The following DNMBP variants were observed in gnomAD, a reference collection of about 807,000 sequenced individuals.
DNMBP encodes the protein dynamin-binding protein.
Under a neutral mutation model 150.0 loss-of-function variants are expected in DNMBP, and 87 were observed. That is an observed-to-expected ratio of 0.58 (90% CI 0.49 to 0.69). The LOEUF (loss-of-function observed/expected upper bound fraction) is 0.69. Ranked by LOEUF, DNMBP falls within the 30% of genes least tolerant of loss-of-function variation. DNMBP has a pLI of 0.00. For missense variants in DNMBP, 1,774 were observed against 1,949.0 expected, an observed-to-expected ratio of 0.91 and a Z score of 1.69; for synonymous variants, 711 against 750.4, an observed-to-expected ratio of 0.95 and a Z score of 0.86.
chr10:99,926,687 CAGTA>C (rs2040082112), intron 4 of DNMBP, among the ~76,000 whole-genome samples: 1 of 152,140 alleles, frequency 6.6e-6, no homozygotes, highest in Non-Finnish European at 1.5e-5. Context: ...TCCTGGAAAA[CAGTA>C]AGCCACAGAG....
chr10:100,007,587 G>C (rs2041088726), intron 1 of DNMBP, among the ~76,000 whole-genome samples: 1 of 152,084 alleles, frequency 6.6e-6, no homozygotes, highest in Non-Finnish European at 1.5e-5. Flanking sequence ...TTCAATTCTT[G>C]GTGGTCACGT....
At chr10:99,899,083 C>CT (rs2039701304) in intron 7 of DNMBP, among the ~76,000 whole-genome samples, 1 of 152,038 alleles carries the variant, frequency 6.6e-6, no homozygotes, top group Non-Finnish European at 1.5e-5. Flanking sequence ...ATCCCAGCTA[C>CT]TGGGGGGCTG....
Position 99,956,334 on chromosome 10 carries a change from G to A in DNMBP, c.1140C>T (p.Thr380=), listed in dbSNP as rs373627069. 2.4e-5 allele frequency: 39 copies of A among 1,613,820 alleles called. No individual in the cohort carries two copies. Among genetic ancestry groups the A allele is most frequent in the Middle Eastern group, 1.6e-4 (1 of 6,080 alleles). ...TDRNSYQDED[T]AGGPPRSPGV... ...CTGGGCTTCTCGGGGGCCCTCCTGCGGTGTCCTCGTCCTGATAAGAGTTTC... is the reference window on the plus strand; with the variant it reads ...CTGGGCTTCTCGGGGGCCCTCCTGCAGTGTCCTCGTCCTGATAAGAGTTTC... The change falls in exon 4 of 17, where the codon ACC becomes ACT. Residue 380 remains threonine, a synonymous_variant. Coordinates refer to ENST00000324109, the MANE Select transcript of DNMBP (RefSeq NM_015221.4).
intron 15 of DNMBP, among the ~76,000 whole-genome samples, chr10:99,882,576 C>CCTAT (rs2039385549): frequency 6.6e-6 from 1 of 152,006 alleles, no homozygotes; most frequent in East Asian, 1.9e-4. Flanking sequence ...AAAGCTAGAC[C>CCTAT]CTATCTCAAA....
intron 4 of DNMBP, among the ~76,000 whole-genome samples, chr10:99,938,059 G>A (rs901446846): frequency 1.3e-5 from 2 of 152,156 alleles, no homozygotes; most frequent in African/African-American, 4.8e-5. Context: ...GCCACTTTAA[G>A]TCTACAATTC....
chr10:99,902,512 G>C (rs1186425436), intron 6 of DNMBP, among the ~76,000 whole-genome samples: 1 of 147,592 alleles, frequency 6.8e-6, no homozygotes, highest in African/African-American at 2.5e-5. Flanking sequence ...GTTACACCAT[G>C]TTGGCCAGGA....
intron 6 of DNMBP, among the ~76,000 whole-genome samples, chr10:99,906,359 ATGT>A (rs1162942822): frequency 6.6e-6 from 1 of 152,042 alleles, no homozygotes; most frequent in East Asian, 1.9e-4. Flanking sequence ...CTTCTGCTGG[ATGT>A]TGTTGTATAT....
At chr10:99,996,967 T>C (rs890031323) in intron 1 of DNMBP, among the ~76,000 whole-genome samples, 1 of 152,174 alleles carries the variant, frequency 6.6e-6, no homozygotes, top group Non-Finnish European at 1.5e-5. Context: ...TAGACACTGG[T>C]AGCAAAAAGA....
chr10:99,884,991 C>T (rs754065040), intron 14 of DNMBP, among the ~76,000 whole-genome samples: 6 of 152,082 alleles, frequency 3.9e-5, no homozygotes, highest in Non-Finnish European at 8.8e-5. Flanking sequence ...AAAGATGTAT[C>T]AGCAGTCCTC....
At chr10:99,921,206 A>C (rs546683563) in intron 4 of DNMBP, among the ~76,000 whole-genome samples, 1 of 152,360 alleles carries the variant, frequency 6.6e-6, no homozygotes, top group Admixed American at 6.5e-5. Flanking sequence ...GAACAGGACA[A>C]GCCTAGCTTG....
chr10:99,885,876 A>C lies in DNMBP; in HGVS notation c.3619-10T>G, dbSNP rs1333413684. 2 of 1,606,122 alleles carry C rather than the reference A, an allele frequency of 1.2e-6. No individual in the cohort carries two copies. On this transcript the variant is annotated splice_polypyrimidine_tract_variant and intron_variant, in intron 13 of 16. Transcript: ENST00000324109. ...CAGCCACTTTGAGTAACTGGGGTCC[A>C]TGGGAAGAGCAGAGATAGAGAAAAG...
At chr10:99,952,158 C>T (rs1043779857) in intron 4 of DNMBP, among the ~76,000 whole-genome samples, 1 of 152,152 alleles carries the variant, frequency 6.6e-6, no homozygotes, top group African/African-American at 2.4e-5. Context: ...CTCCTCCTTG[C>T]CTTCCACCAT....
At chr10:99,961,201 C>A (rs1484290241) in intron 3 of DNMBP, among the ~76,000 whole-genome samples, 1 of 149,786 alleles carries the variant, frequency 6.7e-6, no homozygotes, top group African/African-American at 2.5e-5. Flanking sequence ...GCTTTCCAAA[C>A]TGACTTCTGC....
chr10:99,951,143 A>G (rs988879752), intron 4 of DNMBP, among the ~76,000 whole-genome samples: 5 of 152,244 alleles, frequency 3.3e-5, no homozygotes, highest in African/African-American at 7.2e-5. Context: ...CAGAGGGTGC[A>G]AGCCCCAAGC....
At chr10:99,880,409 GGACA>G (rs1180563759) in intron 15 of DNMBP, 48 bp from the exon 16 acceptor site, 7 of 1,487,792 alleles carry the variant, frequency 4.7e-6, no homozygotes, top group African/African-American at 2.8e-5. Context: ...GCAGAAGGCT[GGACA>G]GACAGAGGGA....
chr10:99,951,300 C>G (rs1191679712), intron 4 of DNMBP, among the ~76,000 whole-genome samples: 2 of 152,236 alleles, frequency 1.3e-5, no homozygotes, highest in African/African-American at 2.4e-5. Flanking sequence ...CATGGAGAAC[C>G]TCTGCTGGGG....
chr10:99,981,652 G>C (rs2040781011), intron 1 of DNMBP, among the ~76,000 whole-genome samples: 1 of 152,148 alleles, frequency 6.6e-6, no homozygotes, highest in African/African-American at 2.4e-5. Flanking sequence ...CACAGATTGA[G>C]GATACCGAAA....
chr10:99,917,915 G>A (rs1266720211), intron 4 of DNMBP, among the ~76,000 whole-genome samples: 1 of 145,748 alleles, frequency 6.9e-6, no homozygotes, highest in Non-Finnish European at 1.5e-5. Context: ...GTTGCATTGA[G>A]CCAAGATCGT....
intron 4 of DNMBP, among the ~76,000 whole-genome samples, chr10:99,941,094 C>T (rs145229968): frequency 2.5e-4 from 38 of 152,006 alleles, no homozygotes; most frequent in African/African-American, 8.2e-4. Flanking sequence ...CATGTTGGTC[C>T]GGATGGTCGC....
Sources: allele counts gnomAD v4.1 joint callset (sites outside exome capture counted in the v4.1 genomes callset), GRCh38; gene constraint gnomAD v4.1.1; transcripts MANE v1.5; gene names NCBI Gene and HGNC (gene_info 2026-07-23, HGNC 2026-07-21).